Variants in CCNT2 observed in about 807,000 individuals in gnomAD.
CCNT2 encodes cyclin-T2.
A neutral mutation model predicts 70.0 loss-of-function variants in CCNT2; 18 were observed. The ratio of observed to expected loss-of-function variants is 0.26; its 90% confidence interval spans 0.18 to 0.38. The LOEUF (loss-of-function observed/expected upper bound fraction) is 0.38, where lower values mean the gene tolerates loss of function less well. Among genes scored for constraint, CCNT2 ranks in the 10% least tolerant of loss-of-function variants. The pLI, the probability that CCNT2 is intolerant of heterozygous loss-of-function variation, is 1.00. For missense variants in CCNT2, 734 were observed against 890.2 expected (o/e 0.82, Z 2.23); for synonymous variants, 334 against 313.3 (o/e 1.07, Z -0.70).
At chr2:134,920,995 A>G (rs1270551186) in intron 2 of CCNT2, among the ~76,000 whole-genome samples, 3 of 152,126 alleles carry the variant, frequency 2.0e-5, no homozygotes, top group Non-Finnish European at 4.4e-5. Flanking sequence ...GACTTCTTCT[A>G]TTTCTTTTTT....
chr2:134,944,542 CT>C (rs1482965266), intron 5 of CCNT2: 42 of 968,920 alleles, frequency 4.3e-5, no homozygotes, highest in Non-Finnish European at 4.9e-5. Context: ...GAAATAGTAA[CT>C]TTTAAAACAT....
intron 7 of CCNT2, among the ~76,000 whole-genome samples, chr2:134,949,895 A>G (rs571466188): frequency 2.1e-3 from 315 of 151,882 alleles, no homozygotes; most frequent in African/African-American, 7.3e-3. Context: ...TCCCGGGTTC[A>G]AGCAGTTCTC....
In CCNT2 at chr2:134,930,683, C is replaced by CT. The variant is rs537992624; in HGVS notation, c.241-6150dup. Among the ~76,000 whole-genome samples, 21 of 151,782 alleles carry CT rather than the reference C, an allele frequency of 1.4e-4. 1 individual carries two copies. In the South Asian group the frequency reaches 1.7e-3, roughly 12 times the overall value. On this transcript the variant is annotated intron_variant, in intron 2 of 8. Coordinates refer to ENST00000264157, the MANE Select transcript of CCNT2 (RefSeq NM_058241.3). ...GTTGCAATATCATCACTTTTCTCGT[C>CT]TTTTTTTTATCGTAGCCATCCTAAC...
rs750953850 is a variant in CCNT2 at position 134,946,081 on chromosome 2, T to G, written c.494-20T>G. 5.9e-5 allele frequency: 48 copies of G among 815,808 alleles called. No homozygotes were observed. Among genetic ancestry groups the G allele is most frequent in the Non-Finnish European group, 8.5e-5 (47 of 553,204 alleles). 50.5% of individuals were successfully genotyped at this position (815,808 alleles called of 1,614,324 possible). On this transcript the variant is annotated intron_variant, in intron 5 of 8. Transcript: ENST00000264157. ...GTTAAGGCTGATAGTATTGTCTTCGTTTTTTTTTTTTTCTTACAGCAAGCA... is the reference window on the plus strand; with the variant it reads ...GTTAAGGCTGATAGTATTGTCTTCGGTTTTTTTTTTTTCTTACAGCAAGCA...
chr2:134,921,121 A>G (rs1313681610), intron 2 of CCNT2, among the ~76,000 whole-genome samples: 2 of 152,230 alleles, frequency 1.3e-5, no homozygotes, highest in Non-Finnish European at 2.9e-5. Flanking sequence ...GATAACATTT[A>G]GATTAAGGGA....
At position 134,958,729 on chromosome 2, in the gene CCNT2, G is replaced by T. The variant is rs1297891025; in HGVS notation, c.*4081G>T. The stretch of plus-strand genomic sequence containing the variant: ...TACATTTTGCCAGTGGGACTGAAAA[G>T]CTCAAAATGTTTTAGACCTAATATC... On this transcript the variant is annotated 3_prime_UTR_variant, in exon 9 of 9. Coordinates refer to ENST00000264157, the MANE Select transcript of CCNT2 (RefSeq NM_058241.3). 6.6e-6 allele frequency: 1 copy of T among 152,258 alleles called. No homozygotes were observed. Among genetic ancestry groups the T allele is most frequent in the East Asian group, 1.9e-4 (1 of 5,184 alleles). 9.4% of individuals were successfully genotyped at this position (152,258 alleles called of 1,614,324 possible).
At chr2:134,936,815 T>TG in intron 2 of CCNT2, 26 bp from the exon 3 acceptor site, 1 of 1,584,086 alleles carries the variant, frequency 6.3e-7, no homozygotes. Context: ...TGTTCTTAAA[T>TG]GACCAGAGTT....
chr2:134,936,991 T>A (rs1479471850), intron 3 of CCNT2, 22 bp downstream of exon 3: 6 of 1,565,464 alleles, frequency 3.8e-6, no homozygotes, highest in Non-Finnish European at 4.3e-6. Flanking sequence ...CTGGGTTTTT[T>A]ATTTTTCTTT....
chr2:134,923,240 C>A (rs948918341), intron 2 of CCNT2, among the ~76,000 whole-genome samples: 1 of 152,148 alleles, frequency 6.6e-6, no homozygotes, highest in African/African-American at 2.4e-5. Flanking sequence ...GAGATCACAT[C>A]ACTGCACTCC....
chr2:134,919,138 G>C, intron 1 of CCNT2, 126 bp downstream of exon 1: 1 of 1,111,776 alleles, frequency 9.0e-7, no homozygotes, highest in East Asian at 2.6e-5. Context: ...GGTCAGGGAA[G>C]TAATGTTCCG....
chr2:134,942,401 C>G (rs1319147378), intron 4 of CCNT2, among the ~76,000 whole-genome samples: 2 of 151,856 alleles, frequency 1.3e-5, no homozygotes, highest in Non-Finnish European at 2.9e-5. Flanking sequence ...AATAAATTTA[C>G]CCTTGGTCTT....
At chr2:134,949,807 G>GT (rs1553525615) in intron 7 of CCNT2, among the ~76,000 whole-genome samples, 4 of 137,578 alleles carry the variant, frequency 2.9e-5, no homozygotes, top group Non-Finnish European at 4.7e-5. Flanking sequence ...TTTTTCGGGG[G>GT]GGGGGTGGGG....
chr2:134,935,001 T>A (rs1216377928), intron 2 of CCNT2, among the ~76,000 whole-genome samples: 1 of 152,230 alleles, frequency 6.6e-6, no homozygotes, highest in African/African-American at 2.4e-5. Flanking sequence ...GCTCTCAGAT[T>A]TTTATAGTGG....
chr2:134,939,274 A>G (rs1681387245), intron 4 of CCNT2, among the ~76,000 whole-genome samples: 1 of 152,146 alleles, frequency 6.6e-6, no homozygotes, highest in Non-Finnish European at 1.5e-5. Flanking sequence ...CGTACCCTTC[A>G]GTATGATTTC....
chr2:134,921,817 G>C (rs1679929710), intron 2 of CCNT2, among the ~76,000 whole-genome samples: 1 of 152,114 alleles, frequency 6.6e-6, no homozygotes, highest in East Asian at 1.9e-4. Context: ...TCAATAAAAA[G>C]GCCAAGGTAT....
At chr2:134,928,560 G>C (rs553643045) in intron 2 of CCNT2, among the ~76,000 whole-genome samples, 98 of 152,244 alleles carry the variant, frequency 6.4e-4, no homozygotes, top group Non-Finnish European at 1.1e-3. Flanking sequence ...TTACAGGCAT[G>C]AGCCACCGTG....
intron 5 of CCNT2, 52 bp from the exon 6 acceptor site, chr2:134,946,049 G>A: frequency 1.9e-6 from 3 of 1,606,478 alleles, no homozygotes; most frequent in Admixed American, 1.7e-5. Context: ...CTTTTTGATT[G>A]TAGCACGTTA....
chr2:134,939,471 T>C (rs1681407319), intron 4 of CCNT2, among the ~76,000 whole-genome samples: 1 of 151,936 alleles, frequency 6.6e-6, no homozygotes, highest in Non-Finnish European at 1.5e-5. Context: ...TATTTATTTA[T>C]TTATTTATTT....
chr2:134,953,493 A>G lies in CCNT2; in HGVS notation c.1038A>G (p.Ser346=), dbSNP rs1249295113. ...TGMPSTSYGL[S]SHQEWPQHQD... ...TGCCAAGTACTTCATACGGTTTATCATCACACCAGGAATGGCCTCAACATC... is the reference window on the plus strand; with the variant it reads ...TGCCAAGTACTTCATACGGTTTATCGTCACACCAGGAATGGCCTCAACATC... Residue 346 remains serine (S), a synonymous_variant, in exon 9 of 9, where the codon TCA becomes TCG. Coordinates refer to ENST00000264157, the MANE Select transcript of CCNT2 (RefSeq NM_058241.3). The G allele has an allele frequency of 3.1e-6, 5 of 1,614,242 alleles. No homozygotes were observed. Among genetic ancestry groups the G allele is most frequent in the South Asian group, 2.2e-5 (2 of 91,080 alleles).
Sources: allele counts gnomAD v4.1 joint callset (sites outside exome capture counted in the v4.1 genomes callset), GRCh38; gene constraint gnomAD v4.1.1; transcripts MANE v1.5; gene names NCBI Gene and HGNC (gene_info 2026-07-23, HGNC 2026-07-21).